The following VPS13B variants were observed in gnomAD, a reference collection of about 807,000 sequenced individuals.
The protein encoded by VPS13B is vacuolar protein sorting 13 homolog B.
In VPS13B, 285 loss-of-function variants were observed where a neutral mutation model predicts 426.4. That is an observed-to-expected ratio of 0.67 (90% CI 0.61 to 0.74). The LOEUF is 0.74. Among genes scored for constraint, VPS13B ranks in the 30% least tolerant of loss-of-function variants. VPS13B has a pLI of 0.00. For synonymous variants in VPS13B, 1,676 were observed against 1,676.4 expected (o/e 1.00, Z 0.01); for missense variants, 4,537 against 4,782.6 (o/e 0.95, Z 1.51).
intron 16 of VPS13B, among the ~76,000 whole-genome samples, chr8:99,172,123 C>G (rs546382306): frequency 2.8e-4 from 43 of 152,162 alleles, no homozygotes; most frequent in African/African-American, 9.1e-4. Flanking sequence ...ATAGTTAAAC[C>G]AGTTAATCAA....
chr8:99,503,278 C>CT (rs1357249670), intron 27 of VPS13B, among the ~76,000 whole-genome samples: 2 of 152,138 alleles, frequency 1.3e-5, no homozygotes, highest in African/African-American at 4.8e-5. Flanking sequence ...TAATGATCAT[C>CT]TGAGCATTCA....
intron 30 of VPS13B, among the ~76,000 whole-genome samples, chr8:99,548,650 T>C (rs1487294934): frequency 6.6e-6 from 1 of 151,918 alleles, no homozygotes; most frequent in Admixed American, 6.6e-5. Flanking sequence ...ATAACCGAAA[T>C]TGGTTTTAAG....
chr8:99,666,356 A>G (rs1830485768), intron 35 of VPS13B, among the ~76,000 whole-genome samples: 1 of 152,178 alleles, frequency 6.6e-6, no homozygotes, highest in Admixed American at 6.5e-5. Flanking sequence ...ACACAACCAA[A>G]AGAGAGAATT....
chr8:99,287,041 A>T (rs548880372), intron 19 of VPS13B, among the ~76,000 whole-genome samples: 1 of 152,210 alleles, frequency 6.6e-6, no homozygotes, highest in South Asian at 2.1e-4. Flanking sequence ...AATAAGGCTC[A>T]TTTTGGTTTT....
chr8:99,158,271 A>C (rs1811465192), intron 15 of VPS13B, among the ~76,000 whole-genome samples: 1 of 152,210 alleles, frequency 6.6e-6, no homozygotes, highest in Non-Finnish European at 1.5e-5. Context: ...ACGGTGGCTC[A>C]TGCCTGTAAT....
At chr8:99,827,299 AG>A (rs1376856323) in intron 51 of VPS13B, among the ~76,000 whole-genome samples, 1 of 152,108 alleles carries the variant, frequency 6.6e-6, no homozygotes, top group Non-Finnish European at 1.5e-5. Flanking sequence ...TAGTCTTAAG[AG>A]GGTGTATGTG....
chr8:99,459,321 G>A (rs1187890320), intron 23 of VPS13B, among the ~76,000 whole-genome samples: 1 of 152,218 alleles, frequency 6.6e-6, no homozygotes, highest in South Asian at 2.1e-4. Flanking sequence ...GGAGAGCAGG[G>A]TATTGAAATC....
At chr8:99,092,461 C>T (rs561858224) in intron 3 of VPS13B, among the ~76,000 whole-genome samples, 9 of 152,112 alleles carry the variant, frequency 5.9e-5, no homozygotes, top group South Asian at 4.1e-4. Context: ...TTTCAATGAA[C>T]GAAAACTGTG....
At chr8:99,731,400 C>T (rs1180630317) in intron 39 of VPS13B, among the ~76,000 whole-genome samples, 1 of 152,170 alleles carries the variant, frequency 6.6e-6, no homozygotes, top group Non-Finnish European at 1.5e-5. Flanking sequence ...TTCCCAAGAT[C>T]ATAAAGCAAG....
chr8:99,128,166 G>A lies in VPS13B; in HGVS notation c.1207-6466G>A, dbSNP rs181215070. 5.3e-5 allele frequency among the ~76,000 whole-genome samples: 8 copies of A among 151,876 alleles called. No individual in the cohort carries two copies. The East Asian group carries it at 1.2e-3, about 22-fold the overall frequency. On this transcript the variant is annotated intron_variant, in intron 8 of 61. Coordinates refer to ENST00000357162, the MANE Select transcript of VPS13B (RefSeq NM_152564.5). ...AGCACTTTGGGAGGCTGAGGTGGGC[G>A]GATCATGAGGTCAGGAGTTCGAGAC...
chr8:99,210,489 T>C (rs1033656603), intron 17 of VPS13B, among the ~76,000 whole-genome samples: 113 of 152,222 alleles, frequency 7.4e-4, no homozygotes, highest in African/African-American at 2.6e-3. Context: ...GTGAATACAT[T>C]TATAGTCTCA....
At chr8:99,754,115 C>G (rs1255714505) in intron 39 of VPS13B, among the ~76,000 whole-genome samples, 2 of 93,516 alleles carry the variant, frequency 2.1e-5, no homozygotes, top group Admixed American at 1.4e-4. Flanking sequence ...GGTATGACTT[C>G]TATTAGTTGA....
At chr8:99,334,116 T>C (rs1241411437) in intron 19 of VPS13B, among the ~76,000 whole-genome samples, 1 of 151,990 alleles carries the variant, frequency 6.6e-6, no homozygotes. Context: ...GGTAGTTGTA[T>C]GTTTAACTTT....
intron 21 of VPS13B, among the ~76,000 whole-genome samples, chr8:99,425,364 AC>A (rs1364338811): frequency 2.0e-5 from 3 of 152,172 alleles, no homozygotes; most frequent in Non-Finnish European, 4.4e-5. Flanking sequence ...AAGCTTATCC[AC>A]CATGATCAAG....
At chr8:99,051,186 C>A (rs1312222130) in intron 3 of VPS13B, among the ~76,000 whole-genome samples, 5 of 151,964 alleles carry the variant, frequency 3.3e-5, no homozygotes, top group Admixed American at 1.3e-4. Flanking sequence ...AGTCTTTAAT[C>A]ATCTTGAATT....
At chr8:99,163,543 C>T (rs559101968) in intron 15 of VPS13B, among the ~76,000 whole-genome samples, 15 of 152,322 alleles carry the variant, frequency 9.8e-5, no homozygotes, top group East Asian at 3.9e-4. Context: ...AGCCCTGCCC[C>T]GTGGGAAGGC....
chr8:99,297,060 T>C (rs1820080610), intron 19 of VPS13B, among the ~76,000 whole-genome samples: 1 of 152,174 alleles, frequency 6.6e-6, no homozygotes, highest in African/African-American at 2.4e-5. Context: ...CGTGTACTCA[T>C]GTGAAATACA....
At chr8:99,208,294 A>T (rs1376084447) in intron 17 of VPS13B, among the ~76,000 whole-genome samples, 1 of 152,168 alleles carries the variant, frequency 6.6e-6, no homozygotes, top group African/African-American at 2.4e-5. Flanking sequence ...ATCACTGGGG[A>T]TTACATTTCA....
At chr8:99,829,668 A>T (rs1814932327) in intron 51 of VPS13B, among the ~76,000 whole-genome samples, 1 of 152,148 alleles carries the variant, frequency 6.6e-6, no homozygotes, top group South Asian at 2.1e-4. Flanking sequence ...TTTGGAGGAG[A>T]AGAGGCATTC....
Sources: gnomAD v4.1 joint callset for allele counts (sites outside exome capture counted in the v4.1 genomes callset) on GRCh38, gnomAD v4.1.1 for gene constraint, MANE v1.5 for transcripts, NCBI Gene and HGNC (gene_info 2026-07-23, HGNC 2026-07-21) for gene names.